The following SRGN variants were observed in gnomAD, a reference collection of about 807,000 sequenced individuals.
SRGN encodes the protein hematopoetic proteoglycan core peptide.
A neutral mutation model predicts 9.5 loss-of-function variants in SRGN; 2 were observed. The ratio of observed to expected loss-of-function variants is 0.21; its 90% CI spans 0.09 to 0.66. The LOEUF is 0.66. SRGN is among the 30% of genes least tolerant of loss of function. The pLI, the probability that SRGN is intolerant of heterozygous loss-of-function variation, is 0.83. For synonymous variants in SRGN, 59 were observed against 72.3 expected (o/e 0.82, Z 0.93); for missense variants, 170 against 192.4 (o/e 0.88, Z 0.69).
rs191076570 is a variant in SRGN, at chr10:69,095,079, G to A, written c.80-2005G>A. On this transcript the variant is annotated intron_variant, in intron 1 of 2. Transcript: ENST00000242465. The stretch of plus-strand genomic sequence containing the variant: ...TCCCAGCACTTTGGGAGACTGAGGC[G>A]GGTGGATCACCTGAGGTCAGGAGTT... Among the ~76,000 whole-genome samples, 1,336 of 151,616 alleles carry A rather than the reference G, an allele frequency of 8.8e-3. 12 individuals carry two copies. Among genetic ancestry groups the A allele is most frequent in the South Asian group, 0.034 (161 of 4,794 alleles).
At chr10:69,088,281 C>A in intron 1 of SRGN, 45 bp downstream of exon 1, 2 of 1,494,072 alleles carry the variant, frequency 1.3e-6, no homozygotes, top group Non-Finnish European at 9.3e-7. Context: ...CTCTGTAAGC[C>A]CTGTGGTCCA....
intron 1 of SRGN, among the ~76,000 whole-genome samples, chr10:69,094,433 G>GAAAAC (rs1395197529): frequency 6.6e-6 from 1 of 151,976 alleles, no homozygotes; most frequent in East Asian, 1.9e-4. Context: ...TAGCAATTTA[G>GAAAAC]AAAACAAAAT....
upstream of SRGN, chr10:69,088,051 C>A: frequency 3.5e-6 from 3 of 861,542 alleles, no homozygotes; most frequent in South Asian, 4.3e-5. Context: ...GTGTTCTGGG[C>A]AGGGTTTGAG....
intron 1 of SRGN, among the ~76,000 whole-genome samples, chr10:69,089,313 TA>T (rs1426023582): frequency 6.6e-6 from 1 of 152,214 alleles, no homozygotes; most frequent in Non-Finnish European, 1.5e-5. Flanking sequence ...TTTTAAAATA[TA>T]AAACATTGTC....
At chr10:69,088,982 C>T (rs1467147050) in intron 1 of SRGN, among the ~76,000 whole-genome samples, 1 of 152,102 alleles carries the variant, frequency 6.6e-6, no homozygotes, top group Non-Finnish European at 1.5e-5. Flanking sequence ...ATTTGTTATT[C>T]TTTGGCAAAT....
intron 1 of SRGN, among the ~76,000 whole-genome samples, chr10:69,095,795 C>G (rs938836077): frequency 6.6e-6 from 1 of 151,810 alleles, no homozygotes; most frequent in African/African-American, 2.4e-5. Flanking sequence ...GCCTGTAATC[C>G]CAGTTACTCC....
rs765288658 is a variant in SRGN at position 69,088,129 on chromosome 10, G to A, written c.-29G>A. ...CATTTCCTAATCAAGAAGTTGGCGT[G>A]CAGCTGGGAGAGCTAGACTAAGTTG... On this transcript the variant is annotated 5_prime_UTR_variant, in exon 1 of 3. Coordinates refer to ENST00000242465, the MANE Select transcript of SRGN (RefSeq NM_002727.4). 4 of 1,603,248 alleles carry A rather than the reference G, an allele frequency of 2.5e-6. No homozygotes were observed. In the African/African-American group the frequency reaches 4.0e-5, roughly 16 times the overall value.
At position 69,097,090 on chromosome 10, in the gene SRGN, C is replaced by T; in HGVS notation, c.86C>T (p.Pro29Leu). The T allele has an allele frequency of 6.2e-7, 1 of 1,613,734 alleles. No homozygotes were observed. Among genetic ancestry groups the T allele is most frequent in the Non-Finnish European group, 8.5e-7 (1 of 1,179,846 alleles). Residue 29 changes from proline to leucine, a missense_variant, in exon 2 of 3, where the codon CCT (proline) becomes CTT (leucine). Coordinates refer to ENST00000242465, the MANE Select transcript of SRGN (RefSeq NM_002727.4). The part of the protein sequence containing the change: ...LVLESSVQGY[P>L]TRRARYQWVR... The stretch of plus-strand genomic sequence containing the variant: ...ATGTGGGTTCCTCGGGCAGGTTATC[C>T]TACGCGGAGAGCCAGGTACCAATGG...
intron 1 of SRGN, among the ~76,000 whole-genome samples, chr10:69,094,711 C>G (rs1840138870): frequency 6.6e-6 from 1 of 152,076 alleles, no homozygotes; most frequent in African/African-American, 2.4e-5. Context: ...GCCTCAGCCT[C>G]CTAAGTAGCT....
Position 69,097,227 on chromosome 10 carries a change from T to C in SRGN, c.223T>C (p.Phe75Leu). 1.2e-6 allele frequency: 2 copies of C among 1,609,504 alleles called. No homozygotes were observed. The highest frequency in any genetic ancestry group is 1.7e-6 in the Non-Finnish European group (2 of 1,177,946). ...GATCCCCCGTCTGAGGACTGACCTT[T>C]TTCCGTAAGTGGACTTTTCTCTAAT... The part of the protein sequence containing the change: ...NKIPRLRTDL[F>L]PKTRIQDLNR... Residue 75 changes from phenylalanine (F) to leucine (L), a missense_variant, in exon 2 of 3, where the codon TTT (phenylalanine) becomes CTT (leucine). By Grantham distance (22) the Phe-to-Leu change is conservative (BLOSUM62 0). Transcript: ENST00000242465.
intron 1 of SRGN, 90 bp from the exon 2 acceptor site, chr10:69,096,994 G>C (rs916627496): frequency 1.5e-6 from 2 of 1,343,822 alleles, no homozygotes; most frequent in South Asian, 1.5e-5. Flanking sequence ...ACCCTGTCTC[G>C]AAAAAAAAAT....
chr10:69,096,829 A>C (rs1235629560), intron 1 of SRGN, among the ~76,000 whole-genome samples: 1 of 151,874 alleles, frequency 6.6e-6, no homozygotes, highest in Non-Finnish European at 1.5e-5. Flanking sequence ...CAAACAAACA[A>C]ACAAAAACAA....
At position 69,100,634 on chromosome 10, in the gene SRGN, C is replaced by T. The variant is rs1840269756; in HGVS notation, c.228-3237C>T. ...CTTGCTTCTGTGCTGATCCCAAACC[C>T]TTTTGCCCTCAGATCCTCCTGTCCT... On this transcript the variant is annotated intron_variant, in intron 2 of 2. Coordinates refer to ENST00000242465, the MANE Select transcript of SRGN (RefSeq NM_002727.4). 3.3e-5 allele frequency among the ~76,000 whole-genome samples: 5 copies of T among 152,106 alleles called. No individual in the cohort carries two copies. The South Asian group carries it at 1.0e-3, about 32-fold the overall frequency.
Position 69,097,267 on chromosome 10 carries a change from C to T in SRGN, c.227+36C>T, listed in dbSNP as rs368601243. ...TTTTCTCTAATTAATTAATTAATTA[C>T]TTATTTATTTGAGACGGAGTTTCAC... On this transcript the variant is annotated intron_variant, in intron 2 of 2. Transcript: ENST00000242465. 3.3e-6 allele frequency: 5 copies of T among 1,519,182 alleles called. No homozygotes were observed. In the Admixed American group the frequency reaches 6.9e-5, roughly 21 times the overall value. The allele number at this position is 1,519,182 out of a possible 1,614,324, so 94.1% of individuals were successfully genotyped here. A position where few individuals can be genotyped will look rare whatever the true frequency, so the allele number is the denominator to read the frequency against.
chr10:69,104,145 C>A lies in SRGN; in HGVS notation c.*25C>A, dbSNP rs187839600. ...AAAGAGGATTTTCCCACCTTGACAC[C>A]AGGCAATGTAGTTAGCATATTTTAT... On this transcript the variant is annotated 3_prime_UTR_variant, in exon 3 of 3. Coordinates refer to ENST00000242465, the MANE Select transcript of SRGN (RefSeq NM_002727.4). The A allele has an allele frequency of 1.2e-6, 2 of 1,607,830 alleles. No individual in the cohort carries two copies. Among genetic ancestry groups the A allele is most frequent in the Admixed American group, 3.3e-5 (2 of 59,754 alleles).
At chr10:69,097,529 C>G (rs1334459985) in intron 2 of SRGN, among the ~76,000 whole-genome samples, 1 of 151,024 alleles carries the variant, frequency 6.6e-6, no homozygotes, top group Non-Finnish European at 1.5e-5. Context: ...TGGGTTCACG[C>G]CATTCTCCCG....
At chr10:69,099,086 T>C (rs1840236942) in intron 2 of SRGN, among the ~76,000 whole-genome samples, 1 of 152,144 alleles carries the variant, frequency 6.6e-6, no homozygotes, top group Admixed American at 6.6e-5. Context: ...TATAAATTCA[T>C]AAGTAACAAA....
At position 69,088,182 on chromosome 10, in the gene SRGN, A is replaced by C; in HGVS notation, c.25A>C (p.Ser9Arg). 1.2e-6 allele frequency: 2 copies of C among 1,614,220 alleles called. No homozygotes were observed. Among genetic ancestry groups the C allele is most frequent in the Non-Finnish European group, 1.7e-6 (2 of 1,180,044 alleles). Reference protein sequence around the residue: MMQKLLKCSRLVLALALIL... With the variant: MMQKLLKCRRLVLALALIL... ...CATGATGCAGAAGCTACTCAAATGC[A>C]GTCGGCTTGTCCTGGCTCTTGCCCT... The change falls in exon 1 of 3, where the codon AGT becomes CGT. Residue 9 changes from serine to arginine, a missense_variant. Ser to Arg is a moderately radical substitution (Grantham distance 110, BLOSUM62 -1). Coordinates refer to ENST00000242465, the MANE Select transcript of SRGN (RefSeq NM_002727.4).
At chr10:69,097,750 G>A (rs1840208430) in intron 2 of SRGN, among the ~76,000 whole-genome samples, 1 of 152,084 alleles carries the variant, frequency 6.6e-6, no homozygotes, top group South Asian at 2.1e-4. Flanking sequence ...TATTAGTAGA[G>A]ACGGGCTTTC....
Sources: allele counts gnomAD v4.1 joint callset (sites outside exome capture counted in the v4.1 genomes callset), GRCh38; gene constraint gnomAD v4.1.1; transcripts MANE v1.5; gene names NCBI Gene and HGNC (gene_info 2026-07-23, HGNC 2026-07-21).